RBMX: variants seen among roughly 807,000 people sequenced by gnomAD.
The protein encoded by RBMX is RNA-binding motif protein, X chromosome.
A neutral mutation model predicts 29.3 loss-of-function variants in RBMX; 1 was observed. The observed-to-expected ratio is 0.03, with a 90% CI of 0.01 to 0.16. RBMX has a LOEUF of 0.16. Ranked by LOEUF, RBMX falls within the 10% of genes least tolerant of loss-of-function variation. The pLI is 1.00. For synonymous variants in RBMX, 102 were observed against 102.3 expected (o/e 1.00, Z 0.02); for missense variants, 121 against 333.2 (o/e 0.36, Z 4.96).
At chrX:136,879,201 G>T (rs2077771266) in intron 2 of RBMX, 78 bp from the exon 3 acceptor site, 1 of 1,200,760 alleles carries the variant, frequency 8.3e-7, no homozygotes, top group Non-Finnish European at 1.1e-6. Context: ...TAAACAGAAA[G>T]CTCAGAACTT....
chrX:136,870,111 T>A (rs1229029024), downstream of RBMX: 1 of 112,789 alleles, frequency 8.9e-6, no homozygotes, highest in Non-Finnish European at 1.9e-5. Context: ...GTTGTCCCCA[T>A]GACTTTAGCT....
rs2077772775 is a variant in RBMX at position 136,879,323 on chromosome X, C to G, written c.105G>C (p.Val35=). ...EAVFGKYGRI[V]EVLLMKDRET... Reference sequence around the variant, plus strand: ...CTGTACTGCCAGACAACTCACCTTCCACTATTCGTCCATATTTGCCAAATA... The same window carrying G: ...CTGTACTGCCAGACAACTCACCTTCGACTATTCGTCCATATTTGCCAAATA... Residue 35 remains valine, a synonymous_variant, in exon 2 of 9, where the codon GTG becomes GTC. Coordinates refer to ENST00000320676, the MANE Select transcript of RBMX (RefSeq NM_002139.4). The G allele has an allele frequency of 1.7e-6, 2 of 1,211,200 alleles. No individual in the cohort carries two copies. Among genetic ancestry groups the G allele is most frequent in the East Asian group, 5.9e-5 (2 of 33,851 alleles).
At chrX:136,875,833 G>A (rs375921348) in intron 5 of RBMX, among the ~76,000 whole-genome samples, 22 of 107,010 alleles carry the variant, frequency 2.1e-4, no homozygotes, top group Non-Finnish European at 4.0e-4. Context: ...TGGGAGTCTC[G>A]CTCTGTCACC....
chrX:136,873,592 G>A lies in RBMX; in HGVS notation c.*550C>T. The A allele has an allele frequency of 1.3e-6, 1 of 755,487 alleles. No individual in the cohort carries two copies. Among genetic ancestry groups the A allele is most frequent in the Non-Finnish European group, 1.6e-6 (1 of 639,675 alleles). The allele number at this position is 755,487 out of a possible 1,213,427, so 62.3% of individuals were successfully genotyped here. A position where few individuals can be genotyped will look rare whatever the true frequency, so the allele number is the denominator to read the frequency against. On this transcript the variant is annotated 3_prime_UTR_variant, in exon 9 of 9. Coordinates refer to ENST00000320676, the MANE Select transcript of RBMX (RefSeq NM_002139.4). Reference sequence around the variant, plus strand: ...AAATGTCAGAAAGGCAAAATGGCCAGCATTATCCATTTGCTTTTTTGGGTT... The same window carrying A: ...AAATGTCAGAAAGGCAAAATGGCCAACATTATCCATTTGCTTTTTTGGGTT...
downstream of RBMX, chrX:136,873,030 T>G: frequency 9.2e-6 from 1 of 109,284 alleles, no homozygotes; most frequent in East Asian, 2.9e-4. Flanking sequence ...AATAAAGCCT[T>G]TAAGTGTCAC....
At chrX:136,871,167 C>G (rs1391465561), downstream of RBMX, among the ~76,000 whole-genome samples, 1 of 107,925 alleles carries the variant, frequency 9.3e-6, no homozygotes, top group Non-Finnish European at 1.9e-5. Context: ...CCATAGGCGG[C>G]CAGGTGCGGT....
Position 136,877,846 on chromosome X carries a change from GCATC to G in RBMX, c.388+65_388+68del, listed in dbSNP as rs1048217884. On this transcript the variant is annotated intron_variant, in intron 4 of 8. Coordinates refer to ENST00000320676, the MANE Select transcript of RBMX (RefSeq NM_002139.4). ...ACCTTTCCTCAAGGACTTAACCAAA[GCATC>G]CACTTGGTGTGAGCTTGCAGTCCCT... The G allele has an allele frequency of 3.1e-4, 320 of 1,026,037 alleles. 3 individuals are homozygous for G. The Admixed American group carries it at 9.9e-3, about 32-fold the overall frequency. The allele number at this position is 1,026,037 out of a possible 1,213,427, so 84.6% of individuals were successfully genotyped here.
downstream of RBMX, chrX:136,872,398 T>C: frequency 9.3e-7 from 1 of 1,069,589 alleles, no homozygotes. Context: ...GAAATTCTTT[T>C]AAAACTTGCC....
intron 3 of RBMX, 22 bp downstream of exon 3, chrX:136,878,995 T>A (rs2077769633): frequency 8.3e-7 from 1 of 1,206,262 alleles, no homozygotes; most frequent in Non-Finnish European, 1.1e-6. Context: ...CAGGTTATCA[T>A]CCATCGTGTA....
rs1402907585 is a variant in RBMX at position 136,873,712 on chromosome X, C to CT, written c.*429dup. ...TTTCAGTTGGAAGACACCCTGAAATCTTATGAGTAGCATACCCCAACCACC... is the reference window on the plus strand; with the variant it reads ...TTTCAGTTGGAAGACACCCTGAAATCTTTATGAGTAGCATACCCCAACCACC... On this transcript the variant is annotated 3_prime_UTR_variant, in exon 9 of 9. Transcript: ENST00000320676. 1 of 765,140 alleles carries CT rather than the reference C, an allele frequency of 1.3e-6. No homozygotes were observed. The highest frequency in any genetic ancestry group is 2.3e-5 in the African/African-American group (1 of 44,226). 63.1% of individuals were successfully genotyped at this position (765,140 alleles called of 1,213,427 possible). A position where few individuals can be genotyped will look rare whatever the true frequency, so the allele number is the denominator to read the frequency against.
chrX:136,875,677 C>G (rs1290481413), intron 5 of RBMX, 92 bp from the exon 6 acceptor site: 2 of 1,064,318 alleles, frequency 1.9e-6, no homozygotes, highest in East Asian at 6.2e-5. Flanking sequence ...ATGAGACTGA[C>G]TTCAAAGATG....
chrX:136,876,476 A>T, intron 5 of RBMX, 27 bp downstream of exon 5: 1 of 1,150,643 alleles, frequency 8.7e-7, no homozygotes, highest in Non-Finnish European at 1.2e-6. Context: ...CGGTAGTAGC[A>T]TAAATCATCA....
intron 4 of RBMX, 134 bp from the exon 5 acceptor site, chrX:136,876,789 C>T (rs1443839103): frequency 4.6e-6 from 2 of 431,066 alleles, no homozygotes; most frequent in African/African-American, 5.4e-5. Context: ...CTCACTGCAA[C>T]CTCTGCCTCC....
At chrX:136,878,636 TGGGGGGGGG>T (rs34229732) in intron 3 of RBMX, among the ~76,000 whole-genome samples, 7 of 454 alleles carry the variant, frequency 0.015, 3 homozygotes, top group Non-Finnish European at 0.065. Flanking sequence ...TCCCAGCTAC[TGGGGGGGGG>T]GGGGGGGGCT....
chrX:136,871,719 G>A (rs1268351931), downstream of RBMX, among the ~76,000 whole-genome samples: 1 of 107,939 alleles, frequency 9.3e-6, no homozygotes. Flanking sequence ...GCGTGATCTC[G>A]GCTCACTGCA....
At chrX:136,871,948 C>T (rs1373518491), downstream of RBMX, among the ~76,000 whole-genome samples, 1 of 110,502 alleles carries the variant, frequency 9.0e-6, no homozygotes, top group African/African-American at 3.3e-5. Context: ...CCATGGTGCC[C>T]AGCTGAGCAA....
downstream of RBMX, chrX:136,869,721 A>C (rs1280812070): frequency 2.9e-5 from 3 of 105,000 alleles, no homozygotes; most frequent in African/African-American, 7.9e-5. Context: ...TACACGACAA[A>C]AACAAAAAAA....
chrX:136,878,119 G>C (rs751127170), intron 3 of RBMX, 33 bp from the exon 4 acceptor site: 11 of 1,103,110 alleles, frequency 1.0e-5, no homozygotes, highest in Non-Finnish European at 1.2e-5. Flanking sequence ...ATTAAATCAA[G>C]ATTTAAAAAT....
Position 136,873,591 on chromosome X carries a change from A to G in RBMX, c.*551T>C. ...GAAATGTCAGAAAGGCAAAATGGCC[A>G]GCATTATCCATTTGCTTTTTTGGGT... On this transcript the variant is annotated 3_prime_UTR_variant, in exon 9 of 9. Transcript: ENST00000320676. The G allele has an allele frequency of 1.3e-6, 1 of 755,303 alleles. No homozygotes were observed. The highest frequency in any genetic ancestry group is 1.6e-6 in the Non-Finnish European group (1 of 639,496). The allele number at this position is 755,303 out of a possible 1,213,427, so 62.2% of individuals were successfully genotyped here. A position where few individuals can be genotyped will look rare whatever the true frequency, so the allele number is the denominator to read the frequency against.
Sources: gnomAD v4.1 joint callset for allele counts (sites outside exome capture counted in the v4.1 genomes callset) on GRCh38, gnomAD v4.1.1 for gene constraint, MANE v1.5 for transcripts, NCBI Gene and HGNC (gene_info 2026-07-23, HGNC 2026-07-21) for gene names.